MUC4: variants seen among roughly 807,000 people sequenced by gnomAD.
MUC4 encodes mucin-4.
Under a neutral mutation model 257.9 loss-of-function variants are expected in MUC4, and 202 were observed. That is an observed-to-expected ratio of 0.78 (90% CI 0.70 to 0.88). The LOEUF is 0.88. MUC4 is among the 40% of genes least tolerant of loss of function. MUC4 has a pLI of 0.00. For synonymous variants in MUC4, 2,351 were observed against 2,757.1 expected (o/e 0.85, Z 4.62); for missense variants, 5,976 against 6,513.7 (o/e 0.92, Z 2.84).
Position 195,765,270 on chromosome 3 carries a change from C to T in MUC4, c.13798G>A (p.Gly4600Ser), listed in dbSNP as rs1720201730. 6.2e-7 allele frequency: 1 copy of T among 1,610,338 alleles called. No homozygotes were observed. The highest frequency in any genetic ancestry group is 8.5e-7 in the Non-Finnish European group (1 of 1,178,128). Residue 4600 changes from glycine (G) to serine (S), a missense_variant and splice_region_variant, in exon 9 of 25, where the codon GGT (glycine) becomes AGT (serine). Coordinates refer to ENST00000463781, the MANE Select transcript of MUC4 (RefSeq NM_018406.7). Reference protein sequence around the residue: ...RDLRFQPVSIGRWGLGSRQLC... With the variant: ...RDLRFQPVSISRWGLGSRQLC... ...GTGGGGGGCGGGAAGGAGGTGTCAC[C>T]TATGCTGACGGGTTGGAATCGTAAG...
intron 19 of MUC4, chr3:195,753,948 C>A: frequency 2.4e-6 from 1 of 422,638 alleles, no homozygotes; most frequent in Non-Finnish European, 4.1e-6. Context: ...CAGGGATGCC[C>A]AGCCCCGTCC....
At position 195,788,624 on chromosome 3, in the gene MUC4, A is replaced by C. The variant is rs752832274; in HGVS notation, c.2956T>G (p.Ser986Ala). 2.5e-6 allele frequency: 4 copies of C among 1,599,732 alleles called. No individual in the cohort carries two copies. Among genetic ancestry groups the C allele is most frequent in the Non-Finnish European group, 3.4e-6 (4 of 1,172,850 alleles). Residue 986 changes from serine to alanine, a missense_variant, in exon 2 of 25, where the codon TCC (serine) becomes GCC (alanine). By Grantham distance (99) the Ser-to-Ala change is moderately conservative. Transcript: ENST00000463781. ...TGAAGAGGGGTGGTGTGACCTGTGG[A>C]TGCCGAGGAAGCGTAGGTGACAGGA... is the stretch of plus-strand genomic sequence containing the variant. ...PLPVTYASSA[S>A]TGHTTPLHVT... is the part of the protein sequence containing the mutation.
chr3:195,811,145 A>ATATT lies in MUC4; in HGVS notation c.82+587_82+590dup, dbSNP rs71885309. 8.6e-3 allele frequency among the ~76,000 whole-genome samples: 1,172 copies of ATATT among 136,706 alleles called. 8 individuals carry two copies. The highest frequency in any genetic ancestry group is 0.025 in the African/African-American group (907 of 36,994). 89.7% of individuals were successfully genotyped at this position (136,706 alleles called of 152,430 possible). ...CTCTTCTTATTTTTTATTTTATTTT[A>ATATT]TATTTATTTATTTATTTATTTATTT... On this transcript the variant is annotated intron_variant, in intron 1 of 24. Transcript: ENST00000463781.
At chr3:195,761,977 A>C (rs1708243784) in intron 14 of MUC4, 110 bp downstream of exon 14, 1 of 1,282,364 alleles carries the variant, frequency 7.8e-7, no homozygotes. Context: ...GTTCTGCTCC[A>C]AGGAGGCGGA....
chr3:195,778,291 G>T lies in MUC4; in HGVS notation c.12943+12C>A. 6.2e-7 allele frequency: 1 copy of T among 1,605,006 alleles called. No homozygotes were observed. On this transcript the variant is annotated intron_variant, in intron 3 of 24. Coordinates refer to ENST00000463781, the MANE Select transcript of MUC4 (RefSeq NM_018406.7). ...CCCTCAAAAGGCACAGGCCTCACCT[G>T]TATGGCCTCACCTCTCTCAGGCAGG...
chr3:195,801,200 G>A (rs1202940659), intron 1 of MUC4, among the ~76,000 whole-genome samples: 1 of 152,186 alleles, frequency 6.6e-6, no homozygotes, highest in Non-Finnish European at 1.5e-5. Context: ...ATGCAAGTCA[G>A]GCCCTTCAGG....
At position 195,784,969 on chromosome 3, in the gene MUC4, C is replaced by A. The variant is rs1218811478; in HGVS notation, c.6611G>T (p.Gly2204Val). 1 of 1,278,594 alleles carries A rather than the reference C, an allele frequency of 7.8e-7. No individual in the cohort carries two copies. The highest frequency in any genetic ancestry group is 1.5e-5 in the African/African-American group (1 of 66,178). The allele number at this position is 1,278,594 out of a possible 1,614,324, so 79.2% of individuals were successfully genotyped here. The change falls in exon 2 of 25, where the codon GGT becomes GTT. Residue 2204 changes from glycine to valine, a missense_variant. This residue lies in a region of MUC4 where 85 missense variants were observed against 325.0 expected (regional missense o/e 0.26). Coordinates refer to ENST00000463781, the MANE Select transcript of MUC4 (RefSeq NM_018406.7). ...PVTDTSSAST[G>V]QATPLPVTSP... Reference sequence around the variant, plus strand: ...GGTGACAGGAAGAGGGGTGGCCTGACCTGTGGATGCTGAGGAAGTGTCGGT... The same window carrying A: ...GGTGACAGGAAGAGGGGTGGCCTGAACTGTGGATGCTGAGGAAGTGTCGGT...
At chr3:195,769,194 A>G in intron 6 of MUC4, 42 bp from the exon 7 acceptor site, 1 of 1,608,932 alleles carries the variant, frequency 6.2e-7, no homozygotes, top group Non-Finnish European at 8.5e-7. Flanking sequence ...CCCGTGAGAG[A>G]TCCGGGGTCT....
Position 195,783,876 on chromosome 3 carries a change from T to A in MUC4, c.7704A>T (p.Ala2568=). The A allele has an allele frequency of 2.7e-6, 4 of 1,502,604 alleles. No individual in the cohort carries two copies. Among genetic ancestry groups the A allele is most frequent in the African/African-American group, 1.6e-5 (1 of 62,752 alleles). 93.1% of individuals were successfully genotyped at this position (1,502,604 alleles called of 1,614,324 possible). Residue 2568 remains alanine (A), a synonymous_variant, in exon 2 of 25, where the codon GCA becomes GCT. Transcript: ENST00000463781. ...ATSLPVTDTS[A]ASTGHATPLP... is the part of the protein sequence containing the mutation. ...GAGGGGTGGCGTGACCTGTGGATGCTGCGGAAGTGTCGGTGACAGGAAGAG... is the reference window on the plus strand; with the variant it reads ...GAGGGGTGGCGTGACCTGTGGATGCAGCGGAAGTGTCGGTGACAGGAAGAG...
At chr3:195,802,287 T>A (rs1735422994) in intron 1 of MUC4, among the ~76,000 whole-genome samples, 1 of 150,444 alleles carries the variant, frequency 6.6e-6, no homozygotes. Flanking sequence ...TCCCAAGTGT[T>A]CACCCCATCG....
At chr3:195,803,037 T>C (rs1735551610) in intron 1 of MUC4, among the ~76,000 whole-genome samples, 1 of 152,154 alleles carries the variant, frequency 6.6e-6, no homozygotes, top group Non-Finnish European at 1.5e-5. Flanking sequence ...ACTCCCTCCC[T>C]TTTCTTACTG....
At chr3:195,765,175 G>T in intron 9 of MUC4, 53 bp from the exon 10 acceptor site, 6 of 1,589,644 alleles carry the variant, frequency 3.8e-6, no homozygotes, top group Non-Finnish European at 5.2e-6. Context: ...CAGGGGCGGG[G>T]TGGGAACAAG....
rs760933241 is a variant in MUC4, at chr3:195,789,189, G to A, written c.2391C>T (p.Thr797=). The change falls in exon 2 of 25, where the codon ACC becomes ACT. Residue 797 remains threonine (T), a synonymous_variant. Coordinates refer to ENST00000463781, the MANE Select transcript of MUC4 (RefSeq NM_018406.7). ...TSEPASSGSR[T]TSAGTATPSS... Reference sequence around the variant, plus strand: ...AAGGGGTAGCTGTGCCCGCTGAGGTGGTTCGTGACCCTGAGGAGGCCGGTT... The same window carrying A: ...AAGGGGTAGCTGTGCCCGCTGAGGTAGTTCGTGACCCTGAGGAGGCCGGTT... 1 of 1,613,844 alleles carries A rather than the reference G, an allele frequency of 6.2e-7. No individual in the cohort carries two copies. The highest frequency in any genetic ancestry group is 1.3e-5 in the African/African-American group (1 of 74,998).
rs369279518 is a variant in MUC4, at chr3:195,761,945, C to T, written c.14512+142G>A. On this transcript the variant is annotated intron_variant, in intron 14 of 24. Transcript: ENST00000463781. ...GAGGCTGGAGAAGCCCCTCGGCTCCCGGCCCGCTCTGTGCCCCAAGGGTTC... is the reference window on the plus strand; with the variant it reads ...GAGGCTGGAGAAGCCCCTCGGCTCCTGGCCCGCTCTGTGCCCCAAGGGTTC... 91 of 1,059,774 alleles carry T rather than the reference C, an allele frequency of 8.6e-5. 1 individual carries two copies. The South Asian group carries it at 1.3e-3, about 15-fold the overall frequency. 65.6% of individuals were successfully genotyped at this position (1,059,774 alleles called of 1,614,324 possible). A position where few individuals can be genotyped will look rare whatever the true frequency, so the allele number is the denominator to read the frequency against.
chr3:195,808,781 T>C (rs946519679), intron 1 of MUC4, among the ~76,000 whole-genome samples: 1 of 152,118 alleles, frequency 6.6e-6, no homozygotes. Context: ...TCCTTTCCTT[T>C]TGAGTGTCCT....
chr3:195,773,672 TC>T, intron 4 of MUC4, among the ~76,000 whole-genome samples: 1 of 114,008 alleles, frequency 8.8e-6, no homozygotes, highest in South Asian at 3.4e-4. Context: ...GTGGACACCC[TC>T]TCGCCATCGC....
intron 8 of MUC4, among the ~76,000 whole-genome samples, chr3:195,765,830 G>T (rs1035129051): frequency 8.5e-5 from 13 of 152,178 alleles, no homozygotes; most frequent in Non-Finnish European, 1.8e-4. Context: ...CTTTCTACCC[G>T]CATGAAAGCT....
At chr3:195,770,938 T>C (rs2259153) in intron 5 of MUC4, 279,349 of 430,582 alleles carry the variant, frequency 0.65, 93,509 homozygotes, top group African/African-American at 0.82. Flanking sequence ...CCGTCACCTG[T>C]AGGTCTTCTC....
chr3:195,774,455 C>T lies in MUC4; in HGVS notation c.12944-150G>A. ...AGGCAGCCATCTAGGGTGCTTCTCG[C>T]TCCCTCTCCACCCACATTAAATGCA... On this transcript the variant is annotated intron_variant, in intron 3 of 24. Transcript: ENST00000463781. The T allele has an allele frequency of 5.5e-6, 5 of 915,512 alleles. No homozygotes were observed. In the South Asian group the frequency reaches 1.2e-4, roughly 22 times the overall value. The allele number at this position is 915,512 out of a possible 1,614,324, so 56.7% of individuals were successfully genotyped here.
Sources: gnomAD v4.1 joint callset for allele counts (sites outside exome capture counted in the v4.1 genomes callset) on GRCh38, gnomAD v4.1.1 for gene constraint, gnomAD v4.1.1 regional missense constraint, MANE v1.5 for transcripts, NCBI Gene and HGNC (gene_info 2026-07-23, HGNC 2026-07-21) for gene names.